The following CSK variants were observed in gnomAD, a reference collection of about 807,000 sequenced individuals.
CSK encodes C-terminal Src kinase.
A neutral mutation model predicts 62.3 loss-of-function variants in CSK; 7 were observed. The ratio of observed to expected loss-of-function variants is 0.11; its 90% CI spans 0.06 to 0.21. The LOEUF is 0.21. Among genes scored for constraint, CSK ranks in the 10% least tolerant of loss-of-function variants. The probability of loss-of-function intolerance (pLI) is 1.00; values close to 1 mark genes in which losing one functional copy is unlikely to be tolerated. For synonymous variants in CSK, 237 were observed against 246.0 expected, an observed-to-expected ratio of 0.96 and a Z score of 0.34; for missense variants, 294 against 613.5, an observed-to-expected ratio of 0.48 and a Z score of 5.50.
Position 74,798,846 on chromosome 15 carries a change from C to G in CSK, c.150C>G (p.Ala50=), listed in dbSNP as rs781256285. ...AVTKDPNWYK[A]KNKVGREGII... ...CCCAGGACCCCAACTGGTACAAAGCCAAAAACAAGGTGGGCCGTGAGGGCA... is the reference window on the plus strand; with the variant it reads ...CCCAGGACCCCAACTGGTACAAAGCGAAAAACAAGGTGGGCCGTGAGGGCA... The change falls in exon 4 of 13, where the codon GCC becomes GCG. Residue 50 remains alanine (A), a synonymous_variant. Coordinates refer to ENST00000220003, the MANE Select transcript of CSK (RefSeq NM_004383.3). This position sits in a 1 kb window ranked among gnomAD's most constrained non-coding sequence, Gnocchi z 6.6. 6.3e-7 allele frequency: 1 copy of G among 1,588,872 alleles called. No individual in the cohort carries two copies. Among genetic ancestry groups the G allele is most frequent in the South Asian group, 1.1e-5 (1 of 87,520 alleles).
intron 9 of CSK, 141 bp downstream of exon 9, chr15:74,801,243 C>A: frequency 1.1e-6 from 1 of 910,800 alleles, no homozygotes; most frequent in Non-Finnish European, 1.7e-6. Flanking sequence ...TCCTGGTTTA[C>A]CATTCATTGA....
intron 11 of CSK, 44 bp from the exon 12 acceptor site, chr15:74,801,953 T>C: frequency 6.2e-7 from 1 of 1,610,492 alleles, no homozygotes; most frequent in South Asian, 1.1e-5. Flanking sequence ...CTCCCCACCC[T>C]GGAGTCCCAG....
At chr15:74,797,316 G>T (rs777154396) in intron 1 of CSK, among the ~76,000 whole-genome samples, 1 of 152,206 alleles carries the variant, frequency 6.6e-6, no homozygotes, top group Non-Finnish European at 1.5e-5. Context: ...AGCATTTTGG[G>T]AGGCCGAGGT....
At position 74,787,150 on chromosome 15, in the gene CSK, C is replaced by T. The variant is rs553650220; in HGVS notation, c.-66+4430C>T. ...GGCAGGGAGCACTGCCTCCCTTCCCCCTCTCCTCTGGGTCCCTTCATCCAA... is the reference window on the plus strand; with the variant it reads ...GGCAGGGAGCACTGCCTCCCTTCCCTCTCTCCTCTGGGTCCCTTCATCCAA... On this transcript the variant is annotated intron_variant, in intron 1 of 12. Coordinates refer to ENST00000220003, the MANE Select transcript of CSK (RefSeq NM_004383.3). Among the ~76,000 whole-genome samples, 3 of 152,312 alleles carry T rather than the reference C, an allele frequency of 2.0e-5. No homozygotes were observed. In the South Asian group the frequency reaches 6.2e-4, roughly 32 times the overall value.
rs35896486 is a variant in CSK at position 74,801,457 on chromosome 15, C to T, written c.814-65C>T. On this transcript the variant is annotated intron_variant, in intron 9 of 12. Transcript: ENST00000220003. The stretch of plus-strand genomic sequence containing the variant: ...AGTGTCAACACCCACCCGGCCCCAG[C>T]GTGCTGTGTGAGAGGGCTGCAGGGC... 0.01 allele frequency: 15,453 copies of T among 1,509,510 alleles called. 1,153 individuals carry two copies. In the African/African-American group the frequency reaches 0.17, roughly 17 times the overall value. 93.5% of individuals were successfully genotyped at this position (1,509,510 alleles called of 1,614,324 possible).
chr15:74,798,862 C>A lies in CSK; in HGVS notation c.166C>A (p.Arg56Ser). The change falls in exon 4 of 13, where the codon CGT (arginine) becomes AGT (serine). Residue 56 changes from arginine to serine, a missense_variant. Coordinates refer to ENST00000220003, the MANE Select transcript of CSK (RefSeq NM_004383.3). This position sits in a 1 kb window ranked among gnomAD's most constrained non-coding sequence, Gnocchi z 6.6. ...GTACAAAGCCAAAAACAAGGTGGGC[C>A]GTGAGGGCATCATCCCAGCCAACTA... ...NWYKAKNKVGREGIIPANYVQ... is the reference protein window; with the variant it reads ...NWYKAKNKVGSEGIIPANYVQ... 6.3e-7 allele frequency: 1 copy of A among 1,575,404 alleles called. No individual in the cohort carries two copies. The highest frequency in any genetic ancestry group is 1.8e-5 in the Admixed American group (1 of 55,562).
In CSK at chr15:74,782,337, C is replaced by T. The variant is rs2063446927; in HGVS notation, c.-449C>T. ...CCTCTGGCCGCCGGAGCCCGCGGGGCGTGGAGCGCGAGGAGCCCCGCGGCC... is the reference window on the plus strand; with the variant it reads ...CCTCTGGCCGCCGGAGCCCGCGGGGTGTGGAGCGCGAGGAGCCCCGCGGCC... On this transcript the variant is annotated 5_prime_UTR_variant, in exon 1 of 13. Transcript: ENST00000220003. This position sits in a 1 kb window ranked among gnomAD's most constrained non-coding sequence, Gnocchi z 5.7. The T allele has an allele frequency of 6.7e-6, 1 of 149,934 alleles. No homozygotes were observed. Among genetic ancestry groups the T allele is most frequent in the Non-Finnish European group, 1.5e-5 (1 of 67,136 alleles). 9.3% of individuals were successfully genotyped at this position (149,934 alleles called of 1,614,324 possible). A position where few individuals can be genotyped will look rare whatever the true frequency, so the allele number is the denominator to read the frequency against.
At chr15:74,786,334 C>T (rs1444769842) in intron 1 of CSK, among the ~76,000 whole-genome samples, 5 of 152,108 alleles carry the variant, frequency 3.3e-5, no homozygotes, top group African/African-American at 1.2e-4. Flanking sequence ...AAGAGCCTGG[C>T]TGCCTCCTGC....
intron 1 of CSK, among the ~76,000 whole-genome samples, chr15:74,797,415 T>A (rs2063723380): frequency 6.6e-6 from 1 of 151,968 alleles, no homozygotes; most frequent in African/African-American, 2.4e-5. Flanking sequence ...AATTAGCTGG[T>A]TGTGGTGGTG....
At chr15:74,793,395 CCTCCTCCCTCCTCT>C (rs2063654867) in intron 1 of CSK, 1 of 146,502 alleles carries the variant, frequency 6.8e-6, no homozygotes. Context: ...CTGCCTCCTC[CCTCCTCCCTCCTCT>C]CCCTTGCCCC....
Position 74,798,745 on chromosome 15 carries a change from C to T in CSK, c.129+17C>T. 6.2e-7 allele frequency: 1 copy of T among 1,611,026 alleles called. No individual in the cohort carries two copies. Among genetic ancestry groups the T allele is most frequent in the Non-Finnish European group, 8.5e-7 (1 of 1,177,852 alleles). On this transcript the variant is annotated intron_variant, in intron 3 of 12. Coordinates refer to ENST00000220003, the MANE Select transcript of CSK (RefSeq NM_004383.3). This position sits in a 1 kb window ranked among gnomAD's most constrained non-coding sequence, Gnocchi z 6.6. ...GTCACCAAGGTAATCAGGTGACGCCCACCCCACCATCCCACTGCTGGGCCT... is the reference window on the plus strand; with the variant it reads ...GTCACCAAGGTAATCAGGTGACGCCTACCCCACCATCCCACTGCTGGGCCT...
rs543869230 is a variant in CSK, at chr15:74,791,840, G to A, written c.-65-6393G>A. On this transcript the variant is annotated intron_variant, in intron 1 of 12. Transcript: ENST00000220003. ...GCAATGCAGAGTCCTCCTCCAGGAG[G>A]CACTTAGTGTCCATGCGTCACCTTG... Among the ~76,000 whole-genome samples, 19 of 152,362 alleles carry A rather than the reference G, an allele frequency of 1.2e-4. No homozygotes were observed. In the East Asian group the frequency reaches 3.7e-3, roughly 29 times the overall value.
At position 74,801,691 on chromosome 15, in the gene CSK, C is replaced by G. The variant is rs773665684; in HGVS notation, c.888-4C>G. ...GAGGGGACATGTGGCTGGCCTACCCCCAGAGATGTCTGCGAGGCCATGGAA... is the reference window on the plus strand; with the variant it reads ...GAGGGGACATGTGGCTGGCCTACCCGCAGAGATGTCTGCGAGGCCATGGAA... On this transcript the variant is annotated splice_polypyrimidine_tract_variant and splice_region_variant and intron_variant, in intron 10 of 12. Transcript: ENST00000220003. The G allele has an allele frequency of 7.4e-6, 12 of 1,611,826 alleles. No homozygotes were observed. Among genetic ancestry groups the G allele is most frequent in the Non-Finnish European group, 1.0e-5 (12 of 1,178,318 alleles).
chr15:74,802,094 G>A lies in CSK; in HGVS notation c.1170+11G>A. Reference sequence around the variant, plus strand: ...CCTTATCCAAGAATTGTGAGTATGGGTACTGGGATCAGGGTGGCTCTTGGA... The same window carrying A: ...CCTTATCCAAGAATTGTGAGTATGGATACTGGGATCAGGGTGGCTCTTGGA... On this transcript the variant is annotated intron_variant, in intron 12 of 12. Coordinates refer to ENST00000220003, the MANE Select transcript of CSK (RefSeq NM_004383.3). The A allele has an allele frequency of 1.2e-6, 2 of 1,612,896 alleles. No homozygotes were observed. Among genetic ancestry groups the A allele is most frequent in the Non-Finnish European group, 1.7e-6 (2 of 1,179,424 alleles).
At chr15:74,786,013 T>TTTGTGTGTGTGTGTG in intron 1 of CSK, among the ~76,000 whole-genome samples, 1 of 47,840 alleles carries the variant, frequency 2.1e-5, no homozygotes, top group Non-Finnish European at 5.5e-5. Context: ...TTTTTTTTTT[T>TTTGTGTGTGTGTGTG]TGTGTGTGTG....
In CSK at chr15:74,798,050, C is replaced by T; in HGVS notation, c.-65-183C>T. On this transcript the variant is annotated intron_variant, in intron 1 of 12. Coordinates refer to ENST00000220003, the MANE Select transcript of CSK (RefSeq NM_004383.3). The surrounding 1 kb of genome is among the most constrained non-coding windows in gnomAD (Gnocchi z 6.6). ...GTGGCTCCCTCTGCCCCTGGGGGTC[C>T]TCAGCCCTCATGCTCCTCTACCCAG... 2.1e-6 allele frequency: 1 copy of T among 465,810 alleles called. No individual in the cohort carries two copies. Among genetic ancestry groups the T allele is most frequent in the South Asian group, 3.2e-5 (1 of 31,546 alleles). The allele number at this position is 465,810 out of a possible 1,614,324, so 28.9% of individuals were successfully genotyped here.
At position 74,792,421 on chromosome 15, in the gene CSK, A is replaced by G. The variant is rs541428571; in HGVS notation, c.-65-5812A>G. Among the ~76,000 whole-genome samples, 13 of 152,312 alleles carry G rather than the reference A, an allele frequency of 8.5e-5. No individual in the cohort carries two copies. The South Asian group carries it at 1.2e-3, about 15-fold the overall frequency. On this transcript the variant is annotated intron_variant, in intron 1 of 12. Transcript: ENST00000220003. ...TCTGGCTAAGGTACCAGAAGCCAACAAGTCCCAGAAAGGTCAAGTGACTTT... is the reference window on the plus strand; with the variant it reads ...TCTGGCTAAGGTACCAGAAGCCAACGAGTCCCAGAAAGGTCAAGTGACTTT...
intron 1 of CSK, among the ~76,000 whole-genome samples, chr15:74,794,449 A>T (rs2063675469): frequency 6.6e-6 from 1 of 151,982 alleles, no homozygotes; most frequent in Non-Finnish European, 1.5e-5. Context: ...TGACTGAGTC[A>T]TGTGGATGGA....
At chr15:74,795,537 C>T (rs1227429828) in intron 1 of CSK, among the ~76,000 whole-genome samples, 3 of 152,088 alleles carry the variant, frequency 2.0e-5, no homozygotes, top group South Asian at 2.1e-4. Flanking sequence ...TTTCCTCACC[C>T]GTAGAAAGGA....
Sources: gnomAD v4.1 joint callset for allele counts (sites outside exome capture counted in the v4.1 genomes callset) on GRCh38, gnomAD v4.1.1 for gene constraint, Gnocchi (gnomAD v3.1) non-coding constraint, MANE v1.5 for transcripts, NCBI Gene and HGNC (gene_info 2026-07-23, HGNC 2026-07-21) for gene names.